Variants in PPFIA1 observed in about 807,000 individuals in gnomAD.
The protein encoded by PPFIA1 is liprin-alpha-1.
PPFIA1 carries 25 observed loss-of-function variants against 149.9 expected under a neutral mutation model. The observed-to-expected ratio is 0.17, with a 90% CI of 0.12 to 0.23. The LOEUF (loss-of-function observed/expected upper bound fraction) is 0.23. Ranked by LOEUF, PPFIA1 falls within the 10% of genes least tolerant of loss-of-function variation. PPFIA1 has a pLI of 1.00. For synonymous variants in PPFIA1, 549 were observed against 552.8 expected (o/e 0.99, Z 0.10); for missense variants, 1,362 against 1,506.5 (o/e 0.90, Z 1.59).
intron 10 of PPFIA1, 48 bp downstream of exon 10, chr11:70,333,601 G>T: frequency 6.8e-7 from 1 of 1,473,292 alleles, no homozygotes; most frequent in Middle Eastern, 1.7e-4. Context: ...GTGCTGCAAG[G>T]TCATTGCTCG....
At chr11:70,352,778 GGGCGGCGTGT>G (rs1312393847) in intron 16 of PPFIA1, among the ~76,000 whole-genome samples, 1 of 145,194 alleles carries the variant, frequency 6.9e-6, no homozygotes, top group East Asian at 2.0e-4. Context: ...AGGTGTCGGA[GGGCGGCGTGT>G]GGAGGGGTGG....
chr11:70,332,262 A>G (rs2054710401), intron 9 of PPFIA1, among the ~76,000 whole-genome samples, 168 bp downstream of exon 9: 1 of 152,230 alleles, frequency 6.6e-6, no homozygotes, highest in African/African-American at 2.4e-5. Context: ...TGTAAATGCC[A>G]GACATGATCC....
Position 70,362,363 on chromosome 11 carries a change from C to A in PPFIA1, c.2740C>A (p.Leu914Met), listed in dbSNP as rs1028047773. 1 of 1,614,080 alleles carries A rather than the reference C, an allele frequency of 6.2e-7. No individual in the cohort carries two copies. Among genetic ancestry groups the A allele is most frequent in the Non-Finnish European group, 8.5e-7 (1 of 1,180,038 alleles). ...NVKSGAIMSA[L>M]SDTEIQREIG... The stretch of plus-strand genomic sequence containing the variant: ...GAAAAGCGGGGCCATCATGTCGGCC[C>A]TGTCCGACACAGAGATCCAGCGTGA... Residue 914 changes from leucine to methionine, a missense_variant, in exon 21 of 28, where the codon CTG (leucine) becomes ATG (methionine). This residue lies in a region of PPFIA1 where 349 missense variants were observed against 373.3 expected (regional missense o/e 0.93). Transcript: ENST00000253925.
At chr11:70,285,879 C>CA (rs1171951493) in intron 2 of PPFIA1, among the ~76,000 whole-genome samples, 1 of 151,956 alleles carries the variant, frequency 6.6e-6, no homozygotes, top group East Asian at 1.9e-4. Flanking sequence ...CTGAATATTC[C>CA]ATAGGTAAAA....
At chr11:70,287,570 C>A (rs1277822143) in intron 2 of PPFIA1, among the ~76,000 whole-genome samples, 1 of 150,490 alleles carries the variant, frequency 6.6e-6, no homozygotes, top group Non-Finnish European at 1.5e-5. Flanking sequence ...CTCAAGTAAT[C>A]CTCCTGCCTC....
intron 2 of PPFIA1, among the ~76,000 whole-genome samples, chr11:70,297,201 G>T (rs1297548327): frequency 6.6e-6 from 1 of 152,080 alleles, no homozygotes; most frequent in Non-Finnish European, 1.5e-5. Context: ...TTGAGGCCAG[G>T]AGTTCGAGAC....
At chr11:70,283,560 G>T (rs2050905733) in intron 2 of PPFIA1, among the ~76,000 whole-genome samples, 1 of 152,162 alleles carries the variant, frequency 6.6e-6, no homozygotes, top group African/African-American at 2.4e-5. Context: ...TGCAGTGGAA[G>T]GTGTGCTGGA....
At chr11:70,310,316 T>C (rs974953235) in intron 2 of PPFIA1, among the ~76,000 whole-genome samples, 2 of 152,046 alleles carry the variant, frequency 1.3e-5, no homozygotes, top group Non-Finnish European at 2.9e-5. Flanking sequence ...AACACACAAA[T>C]GCACCCTCCT....
chr11:70,380,849 A>G (rs2057686210), intron 26 of PPFIA1, among the ~76,000 whole-genome samples: 1 of 151,864 alleles, frequency 6.6e-6, no homozygotes, highest in Non-Finnish European at 1.5e-5. Context: ...TATTATTATT[A>G]TTGAGACAGG....
rs767145487 is a variant in PPFIA1, at chr11:70,372,376, C to T, written c.3027C>T (p.Val1009=). The change falls in exon 22 of 28, where the codon GTC becomes GTT. Residue 1009 remains valine (V), a synonymous_variant. Transcript: ENST00000253925. ...ACCTTCGAGGGCAGCTGAAAATGGT[C>T]GACAGTTTTCACAGGTAACTTAATG... is the stretch of plus-strand genomic sequence containing the variant. The part of the protein sequence containing the change: ...KKDLRGQLKM[V]DSFHRNSFQC... 8.7e-6 allele frequency: 14 copies of T among 1,613,902 alleles called. No individual in the cohort carries two copies. The highest frequency in any genetic ancestry group is 2.2e-5 in the East Asian group (1 of 44,886).
intron 2 of PPFIA1, among the ~76,000 whole-genome samples, chr11:70,318,918 A>G (rs2053782980): frequency 6.6e-6 from 1 of 152,204 alleles, no homozygotes; most frequent in South Asian, 2.1e-4. Flanking sequence ...TGGGGGCTTG[A>G]TCCCCATCTC....
At chr11:70,287,541 G>C (rs962454710) in intron 2 of PPFIA1, among the ~76,000 whole-genome samples, 4 of 151,386 alleles carry the variant, frequency 2.6e-5, no homozygotes, top group Non-Finnish European at 5.9e-5. Flanking sequence ...TGTTACCCAG[G>C]CTGGTCTCCA....
Position 70,277,265 on chromosome 11 carries a change from C to T in PPFIA1, c.264+4829C>T, listed in dbSNP as rs374652813. ...TCCTGGCCTCAGGTGATCCTCCCCC[C>T]TTAGCCTCCCAAAACAATGGGATCC... On this transcript the variant is annotated intron_variant, in intron 2 of 27. Coordinates refer to ENST00000253925, the MANE Select transcript of PPFIA1 (RefSeq NM_003626.5). 1.1e-3 allele frequency among the ~76,000 whole-genome samples: 174 copies of T among 151,714 alleles called. 5 individuals carry two copies. In the East Asian group the frequency reaches 0.023, roughly 20 times the overall value.
At chr11:70,271,759 G>A in intron 1 of PPFIA1, 1 of 163,790 alleles carries the variant, frequency 6.1e-6, no homozygotes, top group Non-Finnish European at 1.3e-5. Flanking sequence ...TGCTTTTCCT[G>A]AAAAATGATT....
chr11:70,329,915 G>C, intron 7 of PPFIA1: 1 of 380,974 alleles, frequency 2.6e-6, no homozygotes, highest in Non-Finnish European at 4.7e-6. Context: ...GTGATAGAGG[G>C]AGACTCTGAC....
At position 70,314,682 on chromosome 11, in the gene PPFIA1, CTA is replaced by C. The variant is rs550481359; in HGVS notation, c.265-9718_265-9717del. ...GATCATATGGAAATGCGGTTCTGTACTATGTTTTTTTAACTCAATATTTATGT... is the reference window on the plus strand; with the variant it reads ...GATCATATGGAAATGCGGTTCTGTACTGTTTTTTTAACTCAATATTTATGT... On this transcript the variant is annotated intron_variant, in intron 2 of 27. Transcript: ENST00000253925. Among the ~76,000 whole-genome samples the C allele has an allele frequency of 5.5e-3, 833 of 152,072 alleles. 3 individuals are homozygous for C. The highest frequency in any genetic ancestry group is 9.0e-3 in the Non-Finnish European group (610 of 67,992).
intron 2 of PPFIA1, among the ~76,000 whole-genome samples, chr11:70,313,841 C>T (rs541574263): frequency 6.6e-6 from 1 of 152,206 alleles, no homozygotes; most frequent in East Asian, 1.9e-4. Context: ...GCCTGGACAA[C>T]ATGACAAACC....
At chr11:70,271,474 C>A (rs1380149456) in intron 1 of PPFIA1, among the ~76,000 whole-genome samples, 1 of 152,226 alleles carries the variant, frequency 6.6e-6, no homozygotes, top group Non-Finnish European at 1.5e-5. Flanking sequence ...TTCCCTCTTT[C>A]CTAGCCGCCC....
chr11:70,307,101 A>G (rs1365843749), intron 2 of PPFIA1, among the ~76,000 whole-genome samples: 1 of 152,246 alleles, frequency 6.6e-6, no homozygotes, highest in Non-Finnish European at 1.5e-5. Flanking sequence ...TTAATAACAC[A>G]CCAGGGTGGT....
Sources: gnomAD v4.1 joint callset for allele counts (sites outside exome capture counted in the v4.1 genomes callset) on GRCh38, gnomAD v4.1.1 for gene constraint, gnomAD v4.1.1 regional missense constraint, MANE v1.5 for transcripts, NCBI Gene and HGNC (gene_info 2026-07-23, HGNC 2026-07-21) for gene names.